The following DOCK2 variants were observed in gnomAD, a reference collection of about 807,000 sequenced individuals.
The protein encoded by DOCK2 is dedicator of cytokinesis 2.
A neutral mutation model predicts 248.9 loss-of-function variants in DOCK2; 87 were observed. The observed-to-expected ratio is 0.35, with a 90% CI of 0.29 to 0.42. The LOEUF is 0.42. DOCK2 is among the 10% of genes least tolerant of loss of function. The probability of loss-of-function intolerance (pLI) is 1.00; values close to 1 mark genes in which losing one functional copy is unlikely to be tolerated. For missense variants in DOCK2, 1,747 were observed against 2,300.2 expected (o/e 0.76, Z 4.92); for synonymous variants, 805 against 821.6 (o/e 0.98, Z 0.35).
intron 22 of DOCK2, among the ~76,000 whole-genome samples, chr5:169,733,711 T>TTA (rs1200579758): frequency 1.3e-5 from 2 of 152,284 alleles, no homozygotes; most frequent in African/African-American, 4.8e-5. Context: ...AGATATAGAC[T>TTA]TATAGCTCAT....
intron 23 of DOCK2, among the ~76,000 whole-genome samples, chr5:169,752,654 C>T (rs1763961555): frequency 6.6e-6 from 1 of 152,140 alleles, no homozygotes; most frequent in East Asian, 1.9e-4. Context: ...GTCACAGCTA[C>T]TCAGGAAGCT....
intron 27 of DOCK2, among the ~76,000 whole-genome samples, chr5:169,853,050 A>C (rs768057204): frequency 6.6e-6 from 1 of 152,206 alleles, no homozygotes; most frequent in Non-Finnish European, 1.5e-5. Flanking sequence ...TCAGCCAGGC[A>C]GGTCTTTTCC....
At chr5:169,846,613 C>T (rs1447660585) in intron 27 of DOCK2, among the ~76,000 whole-genome samples, 4 of 143,042 alleles carry the variant, frequency 2.8e-5, no homozygotes, top group African/African-American at 9.9e-5. Flanking sequence ...CACATATACA[C>T]ACACACACAC....
intron 35 of DOCK2, among the ~76,000 whole-genome samples, chr5:170,035,443 CAAGGAGAGTTT>C (rs1316559494): frequency 1.3e-5 from 2 of 152,030 alleles, no homozygotes; most frequent in African/African-American, 4.8e-5. Context: ...TCTAGAATGC[CAAGGAGAGTTT>C]AAAAATCCCG....
intron 27 of DOCK2, chr5:169,882,402 A>G (rs1772708120): frequency 1.6e-6 from 1 of 636,180 alleles, no homozygotes. Flanking sequence ...CATTAGAGAA[A>G]AGGGAGGTCT....
At chr5:169,902,881 C>CCT (rs1774008659) in intron 27 of DOCK2, among the ~76,000 whole-genome samples, 1 of 152,108 alleles carries the variant, frequency 6.6e-6, no homozygotes, top group African/African-American at 2.4e-5. Context: ...AGGCGGATCA[C>CCT]AAGGTCAAGA....
chr5:169,985,564 A>G (rs1243415883), intron 28 of DOCK2, among the ~76,000 whole-genome samples: 1 of 152,256 alleles, frequency 6.6e-6, no homozygotes, highest in East Asian at 1.9e-4. Context: ...CAATGAGTAC[A>G]TTTACTTCTT....
chr5:169,685,919 C>G (rs1726390902), intron 8 of DOCK2, among the ~76,000 whole-genome samples: 1 of 152,214 alleles, frequency 6.6e-6, no homozygotes, highest in African/African-American at 2.4e-5. Flanking sequence ...CCACGTAAGT[C>G]TGTCACCAAG....
At chr5:169,741,588 AG>A (rs1221907545) in intron 22 of DOCK2, among the ~76,000 whole-genome samples, 3 of 152,184 alleles carry the variant, frequency 2.0e-5, no homozygotes, top group African/African-American at 7.2e-5. Flanking sequence ...TTATCTGAAT[AG>A]GGCAAATTAT....
intron 27 of DOCK2, chr5:169,841,476 C>T (rs1336497482): frequency 2.0e-6 from 2 of 983,994 alleles, no homozygotes; most frequent in Admixed American, 6.1e-5. Context: ...CTTTCAGGGG[C>T]CAGTCACCAA....
chr5:169,687,673 C>T (rs1335792485), intron 8 of DOCK2, among the ~76,000 whole-genome samples: 1 of 152,206 alleles, frequency 6.6e-6, no homozygotes. Flanking sequence ...TAAGCTTCTT[C>T]TAACTTAAAT....
chr5:169,650,350 C>T (rs1036162448), intron 1 of DOCK2, among the ~76,000 whole-genome samples: 6 of 152,146 alleles, frequency 3.9e-5, no homozygotes, highest in Admixed American at 1.3e-4. Flanking sequence ...CGAGATCTAT[C>T]TATATATCTT....
chr5:169,990,871 T>C (rs1341896316), intron 29 of DOCK2, among the ~76,000 whole-genome samples: 4 of 152,198 alleles, frequency 2.6e-5, no homozygotes, highest in Non-Finnish European at 5.9e-5. Context: ...CCACGCTGTG[T>C]TGTCACATGG....
At chr5:170,010,150 C>A (rs1464799171) in intron 32 of DOCK2, among the ~76,000 whole-genome samples, 1 of 152,128 alleles carries the variant, frequency 6.6e-6, no homozygotes. Flanking sequence ...CAGGATGGAA[C>A]CTAATGTTTC....
intron 2 of DOCK2, among the ~76,000 whole-genome samples, chr5:169,655,011 C>T (rs537984184): frequency 6.6e-6 from 1 of 152,318 alleles, no homozygotes; most frequent in South Asian, 2.1e-4. Context: ...CCTTGTGAAG[C>T]CAGGTGTCTA....
chr5:169,654,512 T>G (rs759644547), intron 2 of DOCK2, 26 bp downstream of exon 2: 12 of 1,613,054 alleles, frequency 7.4e-6, no homozygotes, highest in Non-Finnish European at 8.5e-6. Context: ...ACGCCCCAAG[T>G]GCTGGACCCT....
At chr5:169,725,841 C>CT (rs1307767671) in intron 22 of DOCK2, among the ~76,000 whole-genome samples, 2 of 152,082 alleles carry the variant, frequency 1.3e-5, no homozygotes, top group Non-Finnish European at 2.9e-5. Flanking sequence ...TGAACTCATC[C>CT]TTTTTTATGG....
chr5:169,664,581 G>A (rs73316238), intron 2 of DOCK2, among the ~76,000 whole-genome samples: 202 of 152,314 alleles, frequency 1.3e-3, no homozygotes, highest in African/African-American at 3.8e-3. Flanking sequence ...TAAAGAGGCC[G>A]CAGAAAACTT....
chr5:169,946,911 C>A lies in DOCK2; in HGVS notation c.2800-36157C>A, dbSNP rs201704541. On this transcript the variant is annotated intron_variant, in intron 27 of 51. Coordinates refer to ENST00000520908, the MANE Select transcript of DOCK2 (RefSeq NM_004946.3). Reference sequence around the variant, plus strand: ...AGATCTGGGGAGACAGTGTTCCAGGCAGAGGGAAGAGCGTGGGCAAGGCCC... The same window carrying A: ...AGATCTGGGGAGACAGTGTTCCAGGAAGAGGGAAGAGCGTGGGCAAGGCCC... Among the ~76,000 whole-genome samples, 15 of 152,212 alleles carry A rather than the reference C, an allele frequency of 9.9e-5. No individual in the cohort carries two copies. In the East Asian group the frequency reaches 2.3e-3, roughly 24 times the overall value.
Sources: gnomAD v4.1 joint callset for allele counts (sites outside exome capture counted in the v4.1 genomes callset) on GRCh38, gnomAD v4.1.1 for gene constraint, MANE v1.5 for transcripts, NCBI Gene and HGNC (gene_info 2026-07-23, HGNC 2026-07-21) for gene names.